NCOR1: variants seen among roughly 807,000 people sequenced by gnomAD.
NCOR1 encodes the protein nuclear receptor corepressor 1.
In NCOR1, 63 loss-of-function variants were observed where a neutral mutation model predicts 288.1. The ratio of observed to expected loss-of-function variants is 0.22; its 90% CI spans 0.18 to 0.27. The LOEUF is 0.27. NCOR1 is among the 10% of genes least tolerant of loss of function. NCOR1 has a pLI of 1.00. For synonymous variants in NCOR1, 1,007 were observed against 1,065.9 expected (o/e 0.94, Z 1.08); for missense variants, 2,397 against 3,019.2 (o/e 0.79, Z 4.83).
At position 16,091,838 on chromosome 17, in the gene NCOR1, C is replaced by G. The variant is rs774427564; in HGVS notation, c.3016+25G>C. The G allele has an allele frequency of 4.3e-6, 7 of 1,613,382 alleles. No individual in the cohort carries two copies. In the Admixed American group the frequency reaches 8.3e-5, roughly 19 times the overall value. On this transcript the variant is annotated intron_variant, in intron 22 of 45. Transcript: ENST00000268712. ...CTTTATTTCCCTTCATAAAAGTTCT[C>G]TTGGTGATAGCTCTATCTACCTACC...
At chr17:16,149,699 G>C (rs78177726) in intron 8 of NCOR1, among the ~76,000 whole-genome samples, 182 bp from the exon 9 acceptor site, 1 of 152,134 alleles carries the variant, frequency 6.6e-6, no homozygotes, top group East Asian at 1.9e-4. Flanking sequence ...GCAAAAATTA[G>C]AACTGACTAA....
intron 5 of NCOR1, 51 bp from the exon 6 acceptor site, chr17:16,158,924 G>C (rs752685489): frequency 1.5e-6 from 2 of 1,297,188 alleles, no homozygotes; most frequent in East Asian, 4.6e-5. Context: ...ACCACACCCA[G>C]CAGTGATTAA....
chr17:16,057,796 A>G, intron 39 of NCOR1, 59 bp from the exon 40 acceptor site: 1 of 1,508,644 alleles, frequency 6.6e-7, no homozygotes, highest in Non-Finnish European at 9.0e-7. Context: ...AAAAAAAAAT[A>G]GTATTAAGAA....
chr17:16,106,854 C>CATATATATATATATATATATATAT (rs1162344281), intron 19 of NCOR1, among the ~76,000 whole-genome samples: 1 of 46,154 alleles, frequency 2.2e-5, no homozygotes, highest in Non-Finnish European at 3.4e-5. Context: ...CTTGATCAGA[C>CATATATATATATATATATATATAT]ATATATATAT....
intron 44 of NCOR1, among the ~76,000 whole-genome samples, chr17:16,036,219 G>A (rs1388824207): frequency 6.6e-6 from 1 of 152,198 alleles, no homozygotes; most frequent in African/African-American, 2.4e-5. Flanking sequence ...GAGCTCTTGG[G>A]TGACTAAGTG....
Position 16,064,862 on chromosome 17 carries a change from A to C in NCOR1, c.5101+8T>G. On this transcript the variant is annotated splice_region_variant and intron_variant, in intron 34 of 45. Transcript: ENST00000268712. ...CTATTAGAGAGGTGTGTAACTGTAC[A>C]ATCTCACCTGGAGACATGGAAGCAG... The C allele has an allele frequency of 6.3e-7, 1 of 1,599,654 alleles. No homozygotes were observed. Among genetic ancestry groups the C allele is most frequent in the South Asian group, 1.1e-5 (1 of 89,158 alleles).
intron 1 of NCOR1, 113 bp downstream of exon 1, chr17:16,215,249 C>A (rs539151637): frequency 3.9e-5 from 15 of 380,346 alleles, no homozygotes; most frequent in Admixed American, 2.3e-4. Flanking sequence ...GCCTGCGACA[C>A]CCCCCGCCCG....
rs181365179 is a variant in NCOR1 at position 16,101,196 on chromosome 17, T to G, written c.2690+54A>C. The G allele has an allele frequency of 4.0e-6, 6 of 1,513,752 alleles. No individual in the cohort carries two copies. In the East Asian group the frequency reaches 1.1e-4, roughly 29 times the overall value. The allele number at this position is 1,513,752 out of a possible 1,614,324, so 93.8% of individuals were successfully genotyped here. ...TCTGCAGCCAGCACCACCCTGTGAT[T>G]CAGTCACCAACCAGCAGAGTAAGCA... On this transcript the variant is annotated intron_variant, in intron 20 of 45. Coordinates refer to ENST00000268712, the MANE Select transcript of NCOR1 (RefSeq NM_006311.4).
intron 32 of NCOR1, 179 bp from the exon 33 acceptor site, chr17:16,065,873 A>G (rs2061059285): frequency 1.7e-6 from 1 of 604,094 alleles, no homozygotes; most frequent in Non-Finnish European, 2.9e-6. Flanking sequence ...AGCAATAGCA[A>G]TTCTAATGTC....
intron 26 of NCOR1, among the ~76,000 whole-genome samples, chr17:16,076,516 A>G (rs1022370840): frequency 6.6e-6 from 1 of 152,234 alleles, no homozygotes; most frequent in Non-Finnish European, 1.5e-5. Context: ...TTGCCAAAGA[A>G]CTCAACGTCA....
intron 21 of NCOR1, among the ~76,000 whole-genome samples, chr17:16,092,695 ATTTTTTTTTTTT>A (rs1184440315): frequency 2.2e-4 from 5 of 22,602 alleles, no homozygotes; most frequent in South Asian, 3.2e-3. Context: ...ATATATATAT[ATTTTTTTTTTTT>A]TTTTTTTTTA....
At chr17:16,062,985 T>C (rs2060701764) in intron 35 of NCOR1, among the ~76,000 whole-genome samples, 1 of 152,126 alleles carries the variant, frequency 6.6e-6, no homozygotes, top group Non-Finnish European at 1.5e-5. Context: ...CCCCAGTCAC[T>C]TTCTTCTTGA....
chr17:16,190,110 G>C (rs2087806328), intron 2 of NCOR1, among the ~76,000 whole-genome samples: 1 of 152,100 alleles, frequency 6.6e-6, no homozygotes, highest in South Asian at 2.1e-4. Flanking sequence ...CAAACCTATA[G>C]TCCCAGCTAC....
At position 16,057,767 on chromosome 17, in the gene NCOR1, AATTC is replaced by A. The variant is rs764707822; in HGVS notation, c.6169-34_6169-31del. On this transcript the variant is annotated intron_variant, in intron 39 of 45. Coordinates refer to ENST00000268712, the MANE Select transcript of NCOR1 (RefSeq NM_006311.4). Reference sequence around the variant, plus strand: ...GAATGAGAAATGAAGGAAGTGGTAAAATTCATTGAGTACTTGCAAAAAAAAAATA... The same window carrying A: ...GAATGAGAAATGAAGGAAGTGGTAAAATTGAGTACTTGCAAAAAAAAAATA... 10 of 1,600,278 alleles carry A rather than the reference AATTC, an allele frequency of 6.2e-6. No homozygotes were observed. The Admixed American group carries it at 1.5e-4, about 24-fold the overall frequency.
intron 1 of NCOR1, among the ~76,000 whole-genome samples, chr17:16,205,253 T>C (rs7210264): frequency 0.051 from 7,532 of 148,602 alleles, 229 homozygotes; most frequent in African/African-American, 0.095. Flanking sequence ...AAAGTGAGTA[T>C]GTAGAGAACT....
intron 18 of NCOR1, 101 bp downstream of exon 18, chr17:16,117,787 A>C (rs1412850170): frequency 7.7e-7 from 1 of 1,300,576 alleles, no homozygotes; most frequent in Non-Finnish European, 1.0e-6. Flanking sequence ...GCACTGCTGC[A>C]CTCTAGCCTG....
intron 15 of NCOR1, 51 bp downstream of exon 15, chr17:16,126,020 AAAAATAAAAAT>A (rs2073979274): frequency 4.5e-6 from 4 of 898,498 alleles, no homozygotes; most frequent in Middle Eastern, 3.6e-4. Context: ...CTATATCTAC[AAAAATAAAAAT>A]AAAATAAAAA....
intron 19 of NCOR1, among the ~76,000 whole-genome samples, chr17:16,105,217 T>G (rs1047067391): frequency 5.9e-5 from 9 of 152,022 alleles, no homozygotes; most frequent in African/African-American, 2.2e-4. Flanking sequence ...TGGGCTGCTG[T>G]GGAAGAAAAA....
At chr17:16,182,594 A>G (rs1220723683) in intron 3 of NCOR1, among the ~76,000 whole-genome samples, 2 of 152,124 alleles carry the variant, frequency 1.3e-5, no homozygotes, top group Non-Finnish European at 2.9e-5. Flanking sequence ...AGCTGGGACT[A>G]TAGGTGCCCA....
Sources: allele counts gnomAD v4.1 joint callset (sites outside exome capture counted in the v4.1 genomes callset), GRCh38; gene constraint gnomAD v4.1.1; transcripts MANE v1.5; gene names NCBI Gene and HGNC (gene_info 2026-07-23, HGNC 2026-07-21).